SNTG1: variants seen among roughly 807,000 people sequenced by gnomAD.
The protein encoded by SNTG1 is gamma-1-syntrophin.
SNTG1 carries 39 observed loss-of-function variants against 74.7 expected under a neutral mutation model. The observed-to-expected ratio is 0.52, with a 90% confidence interval of 0.40 to 0.68. The LOEUF is 0.68. SNTG1 is among the 30% of genes least tolerant of loss of function. The pLI, the probability that SNTG1 is intolerant of heterozygous loss-of-function variation, is 0.00. For synonymous variants in SNTG1, 254 were observed against 217.1 expected (o/e 1.17, Z -1.49); for missense variants, 685 against 609.5 (o/e 1.12, Z -1.30).
chr8:50,734,908 T>G (rs943781758), intron 17 of SNTG1, among the ~76,000 whole-genome samples: 4 of 141,720 alleles, frequency 2.8e-5, no homozygotes, highest in Middle Eastern at 3.5e-3. Context: ...CATATATATA[T>G]CTATATATAT....
Position 50,548,728 on chromosome 8 carries a change from A to G in SNTG1, c.681-4322A>G, listed in dbSNP as rs191448970. Among the ~76,000 whole-genome samples the G allele has an allele frequency of 4.9e-3, 745 of 152,304 alleles. 4 individuals are homozygous for G. The highest frequency in any genetic ancestry group is 5.9e-3 in the Non-Finnish European group (399 of 68,026). Reference sequence around the variant, plus strand: ...AGGAAGTCGAGGGGCACTAAAGTGGAAGAGATTCATTCCAAATACATGGGT... The same window carrying G: ...AGGAAGTCGAGGGGCACTAAAGTGGGAGAGATTCATTCCAAATACATGGGT... On this transcript the variant is annotated intron_variant, in intron 11 of 18. Transcript: ENST00000642720.
intron 13 of SNTG1, among the ~76,000 whole-genome samples, chr8:50,628,765 G>T (rs2094975134): frequency 6.6e-6 from 1 of 151,304 alleles, no homozygotes; most frequent in African/African-American, 2.4e-5. Context: ...GTTTATTTTT[G>T]CTTGTTTACT....
intron 12 of SNTG1, among the ~76,000 whole-genome samples, chr8:50,570,597 A>G (rs62516786): frequency 5.4e-3 from 223 of 41,116 alleles, no homozygotes; most frequent in Middle Eastern, 0.018. Flanking sequence ...TGTTGTTATT[A>G]TTATTATTAT....
chr8:50,530,623 CTATT>C (rs1462159647), intron 10 of SNTG1, among the ~76,000 whole-genome samples: 6 of 152,082 alleles, frequency 3.9e-5, no homozygotes, highest in Non-Finnish European at 7.4e-5. Context: ...CTAAAAGTAA[CTATT>C]TAATTTGCTA....
intron 4 of SNTG1, among the ~76,000 whole-genome samples, chr8:50,418,071 A>G (rs13257386): frequency 0.16 from 23,900 of 152,002 alleles, 2,327 homozygotes; most frequent in Middle Eastern, 0.26. Context: ...GCAAAATAAA[A>G]CCAAACTCTC....
At chr8:50,275,161 A>G (rs2088020396) in intron 2 of SNTG1, among the ~76,000 whole-genome samples, 1 of 152,148 alleles carries the variant, frequency 6.6e-6, no homozygotes, top group Admixed American at 6.5e-5. Flanking sequence ...AGTAGATTTT[A>G]CTAGTGAAAT....
At chr8:50,545,453 A>C (rs985840960) in intron 11 of SNTG1, among the ~76,000 whole-genome samples, 1 of 148,968 alleles carries the variant, frequency 6.7e-6, no homozygotes, top group Non-Finnish European at 1.5e-5. Flanking sequence ...AAATATATGC[A>C]CCTGTCACTT....
intron 9 of SNTG1, among the ~76,000 whole-genome samples, chr8:50,506,652 T>C (rs960918471): frequency 6.6e-6 from 1 of 152,106 alleles, no homozygotes; most frequent in Non-Finnish European, 1.5e-5. Flanking sequence ...TGAATTTTTA[T>C]GTTGTCTATT....
chr8:50,256,067 A>C (rs149168798), intron 2 of SNTG1, among the ~76,000 whole-genome samples: 7 of 152,298 alleles, frequency 4.6e-5, no homozygotes, highest in Admixed American at 3.9e-4. Context: ...GCTTTCTGAC[A>C]CTGCCTTGTT....
intron 1 of SNTG1, among the ~76,000 whole-genome samples, chr8:50,154,701 A>T (rs2082196698): frequency 6.6e-6 from 1 of 152,176 alleles, no homozygotes; most frequent in South Asian, 2.1e-4. Flanking sequence ...CCAAAATTGC[A>T]ACCATCTATA....
At chr8:50,664,829 G>A (rs1586006506) in intron 15 of SNTG1, among the ~76,000 whole-genome samples, 1 of 152,158 alleles carries the variant, frequency 6.6e-6, no homozygotes, top group Non-Finnish European at 1.5e-5. Context: ...GGAACATAGA[G>A]GAGTAGTGAA....
rs551443376 is a variant in SNTG1 at position 50,286,161 on chromosome 8, T to C, written c.-27-108051T>C. 1.7e-3 allele frequency among the ~76,000 whole-genome samples: 256 copies of C among 152,286 alleles called. 1 individual carries two copies. The highest frequency in any genetic ancestry group is 1.7e-3 in the Non-Finnish European group (116 of 68,018). On this transcript the variant is annotated intron_variant, in intron 2 of 18. Transcript: ENST00000642720. Reference sequence around the variant, plus strand: ...TCCATTTTTATGTGTGCCTTATGATTGAGGTGAGGGCAGTAGTGTTCAGAG... The same window carrying C: ...TCCATTTTTATGTGTGCCTTATGATCGAGGTGAGGGCAGTAGTGTTCAGAG...
chr8:50,646,479 T>C (rs2095109837), intron 13 of SNTG1, among the ~76,000 whole-genome samples: 3 of 152,208 alleles, frequency 2.0e-5, no homozygotes, highest in Non-Finnish European at 2.9e-5. Context: ...TGAAAAAATT[T>C]ACAGATAAAT....
chr8:50,234,253 T>C (rs2085779150), intron 2 of SNTG1, among the ~76,000 whole-genome samples: 1 of 151,938 alleles, frequency 6.6e-6, no homozygotes, highest in African/African-American at 2.4e-5. Flanking sequence ...ATACCAAAGC[T>C]TGAACTGATA....
intron 13 of SNTG1, among the ~76,000 whole-genome samples, chr8:50,619,706 G>T (rs368321978): frequency 6.7e-6 from 1 of 150,242 alleles, no homozygotes; most frequent in Non-Finnish European, 1.5e-5. Context: ...ACTGCAGCCT[G>T]GGCGACAGAG....
At chr8:50,162,392 CT>C (rs1341372264) in intron 1 of SNTG1, among the ~76,000 whole-genome samples, 1 of 151,894 alleles carries the variant, frequency 6.6e-6, no homozygotes, top group East Asian at 2.0e-4. Context: ...GAAACCCCGT[CT>C]CTACTAAAAA....
intron 2 of SNTG1, among the ~76,000 whole-genome samples, chr8:50,259,745 CA>C (rs2087087499): frequency 6.6e-6 from 1 of 151,976 alleles, no homozygotes; most frequent in Non-Finnish European, 1.5e-5. Flanking sequence ...AACTGAAAAT[CA>C]AAAACTCTTA....
intron 13 of SNTG1, among the ~76,000 whole-genome samples, chr8:50,626,407 C>T (rs1001254306): frequency 7.2e-5 from 11 of 151,826 alleles, no homozygotes; most frequent in African/African-American, 2.2e-4. Context: ...CCCAGTAGCA[C>T]TAGATGAAAT....
At chr8:50,511,256 T>C (rs1216809300) in intron 9 of SNTG1, among the ~76,000 whole-genome samples, 1 of 152,208 alleles carries the variant, frequency 6.6e-6, no homozygotes, top group African/African-American at 2.4e-5. Flanking sequence ...TGAGTTCTAG[T>C]TTGATTGCAC....
Sources: allele counts gnomAD v4.1 joint callset (sites outside exome capture counted in the v4.1 genomes callset), GRCh38; gene constraint gnomAD v4.1.1; transcripts MANE v1.5; gene names NCBI Gene and HGNC (gene_info 2026-07-23, HGNC 2026-07-21).